MCPH1: variants seen among roughly 807,000 people sequenced by gnomAD.
The protein encoded by MCPH1 is microcephalin.
MCPH1 carries 104 observed loss-of-function variants against 84.5 expected under a neutral mutation model. That is an observed-to-expected ratio of 1.23 (90% CI 1.05 to 1.45). The LOEUF (loss-of-function observed/expected upper bound fraction) is 1.45, where lower values mean the gene tolerates loss of function less well. Ranked by LOEUF, MCPH1 falls within the 40% of genes most tolerant of loss-of-function variation. The pLI, the probability that MCPH1 is intolerant of heterozygous loss-of-function variation, is 0.00. For missense variants in MCPH1, 1,498 were observed against 1,005.7 expected (o/e 1.49, Z -6.62); for synonymous variants, 514 against 366.8 (o/e 1.40, Z -4.58).
At chr8:6,527,462 A>G (rs1389594635) in intron 12 of MCPH1, 7 of 1,477,808 alleles carry the variant, frequency 4.7e-6, no homozygotes, top group Non-Finnish European at 6.4e-6. Context: ...ACATGAAGAA[A>G]CTCACCATTC....
chr8:6,409,284 G>T lies in MCPH1; in HGVS notation c.28G>T (p.Val10Leu). The change falls in exon 2 of 14, where the codon GTG becomes TTG. Residue 10 changes from valine to leucine, a missense_variant. By Grantham distance (32) the Val-to-Leu change is conservative. Transcript: ENST00000344683. ...TGTTCATATCTTGTTTTCAGATGTA[G>T]TGGCCTATGTTGAAGTGTGGTCATC... MAAPILKDV[V>L]AYVEVWSSNG... is the part of the protein sequence containing the mutation. 6.2e-7 allele frequency: 1 copy of T among 1,612,062 alleles called. No homozygotes were observed. The highest frequency in any genetic ancestry group is 8.5e-7 in the Non-Finnish European group (1 of 1,178,066).
At chr8:6,504,411 C>T (rs1812859321) in intron 12 of MCPH1, among the ~76,000 whole-genome samples, 1 of 152,026 alleles carries the variant, frequency 6.6e-6, no homozygotes, top group Admixed American at 6.6e-5. Flanking sequence ...TTCATCCCTC[C>T]CAGAACATGA....
chr8:6,444,187 A>G (rs1803920627), intron 7 of MCPH1, among the ~76,000 whole-genome samples: 2 of 152,196 alleles, frequency 1.3e-5, no homozygotes, highest in South Asian at 2.1e-4. Context: ...CTGCTATCCC[A>G]TACACCCATC....
chr8:6,490,810 T>C (rs898025902), intron 11 of MCPH1, among the ~76,000 whole-genome samples: 1 of 152,104 alleles, frequency 6.6e-6, no homozygotes, highest in African/African-American at 2.4e-5. Context: ...GAGTAACAGC[T>C]TGCCATAGGT....
intron 2 of MCPH1, among the ~76,000 whole-genome samples, chr8:6,410,196 A>G (rs1442539922): frequency 6.6e-6 from 1 of 151,558 alleles, no homozygotes; most frequent in Non-Finnish European, 1.5e-5. Flanking sequence ...GGATGGTCTC[A>G]ATCTCCTGAT....
intron 12 of MCPH1, among the ~76,000 whole-genome samples, chr8:6,607,554 G>C (rs1056751130): frequency 6.6e-6 from 1 of 152,182 alleles, no homozygotes; most frequent in African/African-American, 2.4e-5. Flanking sequence ...GATATGGTTT[G>C]GCTGTGTCCC....
At chr8:6,476,097 G>A (rs920374064) in intron 9 of MCPH1, among the ~76,000 whole-genome samples, 6 of 152,114 alleles carry the variant, frequency 3.9e-5, no homozygotes, top group African/African-American at 1.4e-4. Flanking sequence ...GTACAATACA[G>A]ACATACAAAC....
chr8:6,546,417 G>T (rs1822584649), intron 12 of MCPH1, among the ~76,000 whole-genome samples: 1 of 152,234 alleles, frequency 6.6e-6, no homozygotes, highest in South Asian at 2.1e-4. Context: ...TTAGCATAGA[G>T]CGTAAAATGC....
chr8:6,477,296 A>T (rs763604792), intron 9 of MCPH1: 1 of 372,166 alleles, frequency 2.7e-6, no homozygotes, highest in Non-Finnish European at 4.9e-6. Flanking sequence ...GAAGACGTTG[A>T]CACACTTGGA....
chr8:6,543,620 G>A (rs987128676), intron 12 of MCPH1, among the ~76,000 whole-genome samples: 4 of 152,112 alleles, frequency 2.6e-5, no homozygotes, highest in Admixed American at 2.6e-4. Context: ...TGATTTTTGT[G>A]TTCATAAAGC....
intron 12 of MCPH1, among the ~76,000 whole-genome samples, chr8:6,555,006 A>G (rs1382853838): frequency 6.6e-6 from 1 of 152,216 alleles, no homozygotes; most frequent in Admixed American, 6.5e-5. Flanking sequence ...GAGTCCAGGC[A>G]GTGGTAGGCA....
At chr8:6,618,741 A>G (rs1201532294) in intron 12 of MCPH1, 1 of 152,218 alleles carries the variant, frequency 6.6e-6, no homozygotes, top group African/African-American at 2.4e-5. Flanking sequence ...GGGCTTCTAG[A>G]AACAAAAACT....
intron 12 of MCPH1, among the ~76,000 whole-genome samples, chr8:6,574,539 T>C (rs1380813453): frequency 6.6e-6 from 1 of 152,184 alleles, no homozygotes; most frequent in Non-Finnish European, 1.5e-5. Flanking sequence ...ACACTTACGA[T>C]GTTTAAAGAT....
At chr8:6,589,432 A>G (rs1416569168) in intron 12 of MCPH1, among the ~76,000 whole-genome samples, 4 of 152,174 alleles carry the variant, frequency 2.6e-5, no homozygotes, top group African/African-American at 9.7e-5. Flanking sequence ...GAGTTCATCG[A>G]CGGCCGATTT....
intron 1 of MCPH1, chr8:6,407,009 G>C (rs1375135485): frequency 1.1e-5 from 4 of 362,700 alleles, no homozygotes; most frequent in South Asian, 2.3e-5. Context: ...CGTGCTGCTA[G>C]TTCCCCTCAA....
chr8:6,532,691 G>C (rs1819755313), intron 12 of MCPH1, among the ~76,000 whole-genome samples: 2 of 151,572 alleles, frequency 1.3e-5, no homozygotes, highest in Admixed American at 1.3e-4. Context: ...TGCAAAATCT[G>C]GCAACTTAGT....
At chr8:6,555,125 T>G (rs951037908) in intron 12 of MCPH1, among the ~76,000 whole-genome samples, 4 of 152,232 alleles carry the variant, frequency 2.6e-5, no homozygotes, top group Non-Finnish European at 5.9e-5. Flanking sequence ...TTTACTCTTT[T>G]TATTTACATC....
chr8:6,442,803 G>GA (rs1803715951), intron 7 of MCPH1, among the ~76,000 whole-genome samples: 1 of 152,196 alleles, frequency 6.6e-6, no homozygotes, highest in Non-Finnish European at 1.5e-5. Context: ...AAAAGTGCTT[G>GA]AGATGTTATG....
At chr8:6,419,646 C>G (rs1315006456) in intron 3 of MCPH1, among the ~76,000 whole-genome samples, 2 of 151,578 alleles carry the variant, frequency 1.3e-5, no homozygotes, top group African/African-American at 4.9e-5. Context: ...TTGTGATCCA[C>G]CTGCCTTGGC....
Sources: allele counts gnomAD v4.1 joint callset (sites outside exome capture counted in the v4.1 genomes callset), GRCh38; gene constraint gnomAD v4.1.1; transcripts MANE v1.5; gene names NCBI Gene and HGNC (gene_info 2026-07-23, HGNC 2026-07-21).